The following WNT7B variants were observed in gnomAD, a reference collection of about 807,000 sequenced individuals.
The protein encoded by WNT7B is protein Wnt-7b.
In WNT7B, 19 loss-of-function variants were observed where a neutral mutation model predicts 38.2. The observed-to-expected ratio is 0.50, with a 90% confidence interval of 0.35 to 0.73. The LOEUF (loss-of-function observed/expected upper bound fraction) is 0.73. WNT7B is among the 30% of genes least tolerant of loss of function. The pLI, the probability that WNT7B is intolerant of heterozygous loss-of-function variation, is 0.01. For synonymous variants in WNT7B, 243 were observed against 209.3 expected (o/e 1.16, Z -1.39); for missense variants, 423 against 507.9 (o/e 0.83, Z 1.61).
In WNT7B at chr22:45,966,511, G is replaced by A. The variant is rs1373390966; in HGVS notation, c.71+10173C>T. On this transcript the variant is annotated intron_variant, in intron 1 of 3. Coordinates refer to ENST00000339464, the MANE Select transcript of WNT7B (RefSeq NM_058238.3). This position sits in a 1 kb window ranked among gnomAD's most constrained non-coding sequence, Gnocchi z 4.2. ...AGCGATAGAGGCCTGCAGGGGTCATGGGATAGGACTCCAGGGGATGCTCAC... is the reference window on the plus strand; with the variant it reads ...AGCGATAGAGGCCTGCAGGGGTCATAGGATAGGACTCCAGGGGATGCTCAC... Among the ~76,000 whole-genome samples the A allele has an allele frequency of 6.6e-6, 1 of 152,198 alleles. No homozygotes were observed. Among genetic ancestry groups the A allele is most frequent in the African/African-American group, 2.4e-5 (1 of 41,448 alleles).
At chr22:45,950,257 C>T (rs1051859387) in intron 1 of WNT7B, 111 bp from the exon 2 acceptor site, 16 of 914,096 alleles carry the variant, frequency 1.8e-5, no homozygotes, top group Admixed American at 4.2e-5. Context: ...GCACTAGCTC[C>T]GCCCACCAGG....
intron 2 of WNT7B, among the ~76,000 whole-genome samples, chr22:45,931,925 G>C (rs936814944): frequency 1.3e-5 from 2 of 152,170 alleles, no homozygotes; most frequent in African/African-American, 4.8e-5. Flanking sequence ...AACCCAGGCA[G>C]AAGTCACACA....
At chr22:45,933,699 G>T (rs1931437583) in intron 2 of WNT7B, among the ~76,000 whole-genome samples, 1 of 152,320 alleles carries the variant, frequency 6.6e-6, no homozygotes, top group Admixed American at 6.5e-5. Context: ...CCTGGAGGAG[G>T]TTACATCTTA....
chr22:45,925,252 T>C, intron 3 of WNT7B: 2 of 980,464 alleles, frequency 2.0e-6, no homozygotes, highest in Non-Finnish European at 2.4e-6. Flanking sequence ...GTGTGGGCCC[T>C]AGGCTGGCAG....
intron 1 of WNT7B, chr22:45,972,116 G>GGCCCCCCCCCCC: frequency 2.3e-5 from 12 of 530,732 alleles, no homozygotes; most frequent in East Asian, 3.7e-5. Context: ...CCCGGGGGGA[G>GGCCCCCCCCCCC]CCCACCCGCC....
At position 45,926,913 on chromosome 22, in the gene WNT7B, C is replaced by T. The variant is rs898575186; in HGVS notation, c.571-3578G>A. 29 of 985,344 alleles carry T rather than the reference C, an allele frequency of 2.9e-5. No homozygotes were observed. The South Asian group carries it at 7.5e-4, about 26-fold the overall frequency. 61.0% of individuals were successfully genotyped at this position (985,344 alleles called of 1,614,324 possible). The stretch of plus-strand genomic sequence containing the variant: ...TGAACAATGCGCCCACCCAGCAGGA[C>T]GCTGTGGACCCTCAGTCAGGGAAGG... On this transcript the variant is annotated intron_variant, in intron 3 of 3. Transcript: ENST00000339464.
intron 1 of WNT7B, among the ~76,000 whole-genome samples, chr22:45,968,303 G>C (rs982636029): frequency 2.0e-5 from 3 of 152,086 alleles, no homozygotes; most frequent in African/African-American, 7.2e-5. Context: ...GCTGCCTGTG[G>C]CCAACCTCCC....
At chr22:45,941,085 G>T (rs1931634621) in intron 2 of WNT7B, among the ~76,000 whole-genome samples, 3 of 152,214 alleles carry the variant, frequency 2.0e-5, no homozygotes, top group Non-Finnish European at 4.4e-5. Context: ...CGGGAGGCCT[G>T]TGCAAGGGTT....
rs907280849 is a variant in WNT7B at position 45,926,561 on chromosome 22, G to C, written c.571-3226C>G. On this transcript the variant is annotated intron_variant, in intron 3 of 3. Coordinates refer to ENST00000339464, the MANE Select transcript of WNT7B (RefSeq NM_058238.3). ...CAGGGCGAGACTGACCAGCCCAGGA[G>C]CCTGGCGTCCGATATTCCGGCCACT... 33 of 985,440 alleles carry C rather than the reference G, an allele frequency of 3.3e-5. No homozygotes were observed. In the African/African-American group the frequency reaches 5.8e-4, roughly 17 times the overall value. The allele number at this position is 985,440 out of a possible 1,614,324, so 61.0% of individuals were successfully genotyped here.
chr22:45,956,596 C>T (rs1236512304), intron 1 of WNT7B, among the ~76,000 whole-genome samples: 1 of 152,220 alleles, frequency 6.6e-6, no homozygotes, highest in Non-Finnish European at 1.5e-5. Flanking sequence ...AAAACCCGTG[C>T]ATGTGATCAC....
rs1931646444 is a variant in WNT7B, at chr22:45,941,505, GTC to G, written c.298+8413_298+8414del. Among the ~76,000 whole-genome samples the G allele has an allele frequency of 1.6e-5, 2 of 127,058 alleles. 1 individual carries two copies. The allele number at this position is 127,058 out of a possible 152,430, so 83.4% of individuals were successfully genotyped here. ...CAGCCTGGGTGACACTCCAGCCTTT[GTC>G]TCAAAAAAAAAAAAAAAAAAAAGAG... On this transcript the variant is annotated intron_variant, in intron 2 of 3. Transcript: ENST00000339464.
chr22:45,942,855 C>CTGTG (rs71190685), intron 2 of WNT7B, among the ~76,000 whole-genome samples: 49 of 151,078 alleles, frequency 3.2e-4, no homozygotes, highest in South Asian at 1.0e-3. Context: ...TGAGTGGGTG[C>CTGTG]TGTGTGTGTG....
At chr22:45,958,670 A>G (rs1332880770) in intron 1 of WNT7B, among the ~76,000 whole-genome samples, 1 of 152,264 alleles carries the variant, frequency 6.6e-6, no homozygotes, top group East Asian at 1.9e-4. Context: ...GTAGCTCAGG[A>G]AGGCAGGGAG....
chr22:45,923,197 G>A lies in WNT7B; in HGVS notation c.709C>T (p.Gln237Ter). 1 of 1,612,856 alleles carries A rather than the reference G, an allele frequency of 6.2e-7. No individual in the cohort carries two copies. Among genetic ancestry groups the A allele is most frequent in the Non-Finnish European group, 8.5e-7 (1 of 1,179,928 alleles). Residue 237 changes from glutamine to a stop codon, truncating the protein, a stop_gained, in exon 4 of 4, where the codon CAG becomes TAG. Transcript: ENST00000339464. LOFTEE classifies it high-confidence loss of function. The stretch of plus-strand genomic sequence containing the variant: ...CGGCTGGCCCGCACCACCTCCACCT[G>A]CACGGCCGCGTTGTACTTCTCCTTC... The part of the protein sequence containing the change: ...LLKEKYNAAV[Q>*]VEVVRASRLR...
intron 3 of WNT7B, chr22:45,925,263 G>C (rs1003992547): frequency 4.1e-6 from 4 of 985,090 alleles, no homozygotes; most frequent in Non-Finnish European, 4.8e-6. Flanking sequence ...AGGCTGGCAG[G>C]TGGGTGCCGG....
At chr22:45,952,325 G>A (rs1288809413) in intron 1 of WNT7B, among the ~76,000 whole-genome samples, 3 of 152,218 alleles carry the variant, frequency 2.0e-5, no homozygotes, top group South Asian at 2.1e-4. Flanking sequence ...TGCTGCAGCC[G>A]GGCTGCCAGG....
intron 2 of WNT7B, among the ~76,000 whole-genome samples, chr22:45,944,632 T>C (rs1931750927): frequency 6.6e-6 from 1 of 152,178 alleles, no homozygotes; most frequent in Non-Finnish European, 1.5e-5. Flanking sequence ...GCCTGGGGCC[T>C]GCAGACCACC....
At position 45,966,466 on chromosome 22, in the gene WNT7B, A is replaced by G. The variant is rs1261883238; in HGVS notation, c.71+10218T>C. ...ACGGAAGGGTTGGAGCAGGGATCAC[A>G]GTGCGGGAGGGCTCCAGAAAGCGAT... On this transcript the variant is annotated intron_variant, in intron 1 of 3. Transcript: ENST00000339464. This position sits in a 1 kb window ranked among gnomAD's most constrained non-coding sequence, Gnocchi z 4.2. Among the ~76,000 whole-genome samples, 2 of 152,140 alleles carry G rather than the reference A, an allele frequency of 1.3e-5. No individual in the cohort carries two copies. The highest frequency in any genetic ancestry group is 4.8e-5 in the African/African-American group (2 of 41,440).
chr22:45,966,953 G>A lies in WNT7B; in HGVS notation c.71+9731C>T, dbSNP rs1932324739. Among the ~76,000 whole-genome samples the A allele has an allele frequency of 6.6e-6, 1 of 152,184 alleles. No homozygotes were observed. Among genetic ancestry groups the A allele is most frequent in the South Asian group, 2.1e-4 (1 of 4,830 alleles). ...ATCTGCTTGTATGCCTCCGGGGCTG[G>A]AGAACTCACTGCCTCTCTGCCAACA... On this transcript the variant is annotated intron_variant, in intron 1 of 3. Coordinates refer to ENST00000339464, the MANE Select transcript of WNT7B (RefSeq NM_058238.3). The surrounding 1 kb of genome is among the most constrained non-coding windows in gnomAD (Gnocchi z 4.2).
Sources: gnomAD v4.1 joint callset for allele counts (sites outside exome capture counted in the v4.1 genomes callset) on GRCh38, gnomAD v4.1.1 for gene constraint, Gnocchi (gnomAD v3.1) non-coding constraint, MANE v1.5 for transcripts, NCBI Gene and HGNC (gene_info 2026-07-23, HGNC 2026-07-21) for gene names.